Variants in DNM3 observed in about 807,000 individuals in gnomAD.
DNM3 encodes dynamin 3, also known as dynamin-3.
In DNM3, 47 loss-of-function variants were observed where a neutral mutation model predicts 101.6. The observed-to-expected ratio is 0.46, with a 90% confidence interval of 0.37 to 0.59. The LOEUF is 0.59. DNM3 is among the 20% of genes least tolerant of loss of function. DNM3 has a pLI of 0.00. For synonymous variants in DNM3, 385 were observed against 387.9 expected, an observed-to-expected ratio of 0.99 and a Z score of 0.09; for missense variants, 849 against 1,085.7, an observed-to-expected ratio of 0.78 and a Z score of 3.06.
At chr1:172,143,827 G>A (rs2057727483) in intron 14 of DNM3, among the ~76,000 whole-genome samples, 1 of 152,066 alleles carries the variant, frequency 6.6e-6, no homozygotes, top group East Asian at 1.9e-4. Context: ...TCTTCTCTGG[G>A]CAAATCCCAT....
chr1:172,389,057 C>T, intron 20 of DNM3: 1 of 520,132 alleles, frequency 1.9e-6, no homozygotes, highest in Non-Finnish European at 3.4e-6. Context: ...CACTCCGTCC[C>T]AATGAATGAC....
At chr1:172,406,514 TAC>T (rs1368698101) in intron 20 of DNM3, among the ~76,000 whole-genome samples, 5 of 152,080 alleles carry the variant, frequency 3.3e-5, no homozygotes, top group Admixed American at 6.6e-5. Flanking sequence ...TGAAGCCTCT[TAC>T]ACATTTTTCA....
chr1:172,173,328 CA>C (rs2059032636), intron 14 of DNM3, among the ~76,000 whole-genome samples: 1 of 151,564 alleles, frequency 6.6e-6, no homozygotes, highest in Non-Finnish European at 1.5e-5. Flanking sequence ...AGCAGAGTGG[CA>C]GTGTCAATAA....
chr1:171,856,592 C>G (rs929726383), intron 1 of DNM3, among the ~76,000 whole-genome samples: 1 of 152,082 alleles, frequency 6.6e-6, no homozygotes, highest in Non-Finnish European at 1.5e-5. Flanking sequence ...CTTCCACCTC[C>G]CTGGTTAGCT....
chr1:172,226,096 C>T (rs941127193), intron 14 of DNM3, among the ~76,000 whole-genome samples: 2 of 151,988 alleles, frequency 1.3e-5, no homozygotes, highest in African/African-American at 4.8e-5. Context: ...CATCACTATG[C>T]ACATATAATT....
chr1:172,172,119 G>A (rs2058983679), intron 14 of DNM3, among the ~76,000 whole-genome samples: 1 of 151,638 alleles, frequency 6.6e-6, no homozygotes, highest in Non-Finnish European at 1.5e-5. Flanking sequence ...AAAGGGTAGA[G>A]AGCCCCCTAA....
At position 171,853,221 on chromosome 1, in the gene DNM3, T is replaced by C. The variant is rs182855793; in HGVS notation, c.161+11404T>C. Among the ~76,000 whole-genome samples, 390 of 152,128 alleles carry C rather than the reference T, an allele frequency of 2.6e-3. 1 individual carries two copies. The highest frequency in any genetic ancestry group is 9.1e-3 in the African/African-American group (379 of 41,516). On this transcript the variant is annotated intron_variant, in intron 1 of 20. Transcript: ENST00000627582. The stretch of plus-strand genomic sequence containing the variant: ...CTCTGTCACCCAGGCTGGAGGGCAA[T>C]GGCATGAAAACTGCTCACTGCAGCC...
rs116605415 is a variant in DNM3, at chr1:171,868,100, T to C, written c.161+26283T>C. ...TCTTCACATTGAGTCCAACTCTTTA[T>C]GGATCTTCCTTCAGCTCAAAATTGT... On this transcript the variant is annotated intron_variant, in intron 1 of 20. Coordinates refer to ENST00000627582, the MANE Select transcript of DNM3 (RefSeq NM_015569.5). 3.3e-3 allele frequency among the ~76,000 whole-genome samples: 503 copies of C among 152,336 alleles called. 2 individuals are homozygous for C. The highest frequency in any genetic ancestry group is 3.9e-3 in the Non-Finnish European group (264 of 68,024).
intron 17 of DNM3, among the ~76,000 whole-genome samples, chr1:172,331,351 T>C (rs2066175537): frequency 6.6e-6 from 1 of 152,180 alleles, no homozygotes; most frequent in South Asian, 2.1e-4. Flanking sequence ...CATATAATAT[T>C]AGGCTAGCAG....
At chr1:172,105,257 T>G (rs561899406) in intron 13 of DNM3, among the ~76,000 whole-genome samples, 2 of 152,350 alleles carry the variant, frequency 1.3e-5, no homozygotes, top group East Asian at 1.9e-4. Flanking sequence ...TTGCCTTGAA[T>G]GTATTCCTTA....
At chr1:171,903,493 A>G (rs935637420) in intron 1 of DNM3, among the ~76,000 whole-genome samples, 1 of 152,174 alleles carries the variant, frequency 6.6e-6, no homozygotes, top group African/African-American at 2.4e-5. Flanking sequence ...CCCAAGGGCT[A>G]TCTTATTTAT....
intron 15 of DNM3, among the ~76,000 whole-genome samples, chr1:172,284,876 C>T (rs1179320062): frequency 6.6e-6 from 1 of 152,100 alleles, no homozygotes; most frequent in East Asian, 1.9e-4. Flanking sequence ...TGGTTCAACT[C>T]AATGGATGTA....
At chr1:171,973,154 T>C (rs1036461029) in intron 2 of DNM3, among the ~76,000 whole-genome samples, 14 of 152,082 alleles carry the variant, frequency 9.2e-5, no homozygotes, top group Non-Finnish European at 1.6e-4. Context: ...GTGGAAAGAA[T>C]GAACAGTTGA....
chr1:172,414,944 C>A, downstream of DNM3, among the ~76,000 whole-genome samples: 1 of 150,388 alleles, frequency 6.6e-6, no homozygotes, highest in African/African-American at 2.5e-5. Flanking sequence ...ATTAGCTGGA[C>A]ATGGTGGCTC....
chr1:172,290,019 A>C (rs2251991), intron 15 of DNM3: 48,140 of 918,758 alleles, frequency 0.052, 1,484 homozygotes, highest in African/African-American at 0.11. Context: ...ATTTGTGATA[A>C]TGTAAGATCT....
intron 2 of DNM3, among the ~76,000 whole-genome samples, chr1:171,954,370 C>T (rs1390071874): frequency 1.3e-5 from 2 of 152,146 alleles, no homozygotes; most frequent in Admixed American, 6.5e-5. Flanking sequence ...TACTATCTAA[C>T]CTCGTCCAAA....
chr1:172,017,477 A>T (rs1263579430), intron 4 of DNM3, among the ~76,000 whole-genome samples: 2 of 152,160 alleles, frequency 1.3e-5, no homozygotes, highest in African/African-American at 4.8e-5. Flanking sequence ...TGTATAGGTT[A>T]ATCTCCAAAC....
At chr1:172,220,097 T>C (rs1217485519) in intron 14 of DNM3, among the ~76,000 whole-genome samples, 1 of 152,120 alleles carries the variant, frequency 6.6e-6, no homozygotes, top group African/African-American at 2.4e-5. Flanking sequence ...CCAGAATTCA[T>C]TGCATTAATC....
intron 2 of DNM3, among the ~76,000 whole-genome samples, 162 bp from the exon 3 acceptor site, chr1:171,987,494 A>G (rs752295847): frequency 1.3e-5 from 2 of 152,184 alleles, no homozygotes; most frequent in African/African-American, 2.4e-5. Flanking sequence ...TAATATTTCT[A>G]AAGTATTAAT....
Sources: allele counts gnomAD v4.1 joint callset (sites outside exome capture counted in the v4.1 genomes callset), GRCh38; gene constraint gnomAD v4.1.1; transcripts MANE v1.5; gene names NCBI Gene and HGNC (gene_info 2026-07-23, HGNC 2026-07-21).